IQCJ: variants seen among roughly 807,000 people sequenced by gnomAD.
The protein encoded by IQCJ is IQ domain-containing protein J.
Under a neutral mutation model 11.0 loss-of-function variants are expected in IQCJ, and 9 were observed. The ratio of observed to expected loss-of-function variants is 0.82; its 90% CI spans 0.49 to 1.43. The LOEUF (loss-of-function observed/expected upper bound fraction) is 1.43, where lower values mean the gene tolerates loss of function less well. Among genes scored for constraint, IQCJ ranks in the 40% most tolerant of loss-of-function variants. IQCJ has a pLI of 0.00. For missense variants in IQCJ, 146 were observed against 133.2 expected (o/e 1.10, Z -0.47); for synonymous variants, 55 against 51.3 (o/e 1.07, Z -0.31).
At chr3:159,188,857 C>T (rs1311562997) in intron 1 of IQCJ, among the ~76,000 whole-genome samples, 2 of 152,144 alleles carry the variant, frequency 1.3e-5, no homozygotes, top group African/African-American at 4.8e-5. Context: ...TAAAAGCTGA[C>T]TTTTGTATTC....
At chr3:159,096,015 C>T (rs1460953327) in intron 1 of IQCJ, among the ~76,000 whole-genome samples, 2 of 58,628 alleles carry the variant, frequency 3.4e-5, no homozygotes, top group Non-Finnish European at 6.6e-5. Context: ...TCCGCATCCT[C>T]TCCAGCACCT....
downstream of IQCJ, among the ~76,000 whole-genome samples, chr3:159,264,682 T>C (rs1728403612): frequency 6.6e-6 from 1 of 152,030 alleles, no homozygotes; most frequent in African/African-American, 2.4e-5. Context: ...GAGGCTGAGG[T>C]GGGCAGATCG....
Position 159,259,351 on chromosome 3 carries a change from CACA to C in IQCJ, c.156-3193_156-3191del, listed in dbSNP as rs200360632. On this transcript the variant is annotated intron_variant, in intron 3 of 3. Transcript: ENST00000397832. ...ATTTATAATTCAAAATATAGGAGCACACAACATGTGCTTTCTTACTTCAACAAG... is the reference window on the plus strand; with the variant it reads ...ATTTATAATTCAAAATATAGGAGCACACATGTGCTTTCTTACTTCAACAAG... 4.1e-4 allele frequency among the ~76,000 whole-genome samples: 62 copies of C among 152,186 alleles called. No individual in the cohort carries two copies. The East Asian group carries it at 0.012, about 29-fold the overall frequency.
chr3:159,162,037 C>T (rs1276471205), intron 1 of IQCJ, among the ~76,000 whole-genome samples: 2 of 152,148 alleles, frequency 1.3e-5, no homozygotes, highest in Non-Finnish European at 2.9e-5. Flanking sequence ...GCCATATGAA[C>T]TTTAAAGAAG....
At chr3:159,075,126 C>T (rs1239423205) in intron 1 of IQCJ, among the ~76,000 whole-genome samples, 1 of 152,092 alleles carries the variant, frequency 6.6e-6, no homozygotes, top group Non-Finnish European at 1.5e-5. Flanking sequence ...ATGGCAAAGA[C>T]TTGACGCTAA....
At chr3:159,236,872 G>A (rs187667402) in intron 1 of IQCJ, among the ~76,000 whole-genome samples, 158 of 152,290 alleles carry the variant, frequency 1.0e-3, no homozygotes, top group Middle Eastern at 0.01. Context: ...GAGGGGAGCA[G>A]GTGAGGAAGC....
chr3:159,136,262 A>T (rs558990819), intron 1 of IQCJ, among the ~76,000 whole-genome samples: 1 of 152,280 alleles, frequency 6.6e-6, no homozygotes, highest in African/African-American at 2.4e-5. Context: ...TAGATTATGT[A>T]GTACAGTTCA....
intron 1 of IQCJ, among the ~76,000 whole-genome samples, chr3:159,086,229 A>T (rs965553778): frequency 2.6e-5 from 4 of 152,080 alleles, no homozygotes; most frequent in African/African-American, 7.2e-5. Flanking sequence ...ATAGTTGTAG[A>T]TATGTGTCGT....
intron 1 of IQCJ, among the ~76,000 whole-genome samples, chr3:159,139,090 C>G (rs1206003883): frequency 2.6e-5 from 4 of 152,172 alleles, no homozygotes; most frequent in Non-Finnish European, 4.4e-5. Flanking sequence ...CCTTCATATT[C>G]ATATCTTTAT....
intron 1 of IQCJ, among the ~76,000 whole-genome samples, chr3:159,227,638 G>A (rs1471355282): frequency 6.6e-6 from 1 of 152,184 alleles, no homozygotes; most frequent in African/African-American, 2.4e-5. Context: ...TTAGCTAGAC[G>A]GAGCATATTG....
At chr3:159,155,095 T>C (rs1721442330) in intron 1 of IQCJ, among the ~76,000 whole-genome samples, 1 of 152,132 alleles carries the variant, frequency 6.6e-6, no homozygotes. Flanking sequence ...CTCCCCTTTC[T>C]TTGGTGATCT....
At chr3:159,153,990 A>G (rs1352332567) in intron 1 of IQCJ, among the ~76,000 whole-genome samples, 1 of 152,212 alleles carries the variant, frequency 6.6e-6, no homozygotes, top group Non-Finnish European at 1.5e-5. Context: ...TAAGTCTCAA[A>G]TCATTCTTAA....
intron 1 of IQCJ, among the ~76,000 whole-genome samples, chr3:159,152,146 C>T (rs971571768): frequency 4.6e-5 from 7 of 152,222 alleles, no homozygotes; most frequent in African/African-American, 1.7e-4. Context: ...GCCTCCAGGA[C>T]CCACCATCTG....
At chr3:159,095,372 T>G in intron 1 of IQCJ, among the ~76,000 whole-genome samples, 2 of 151,280 alleles carry the variant, frequency 1.3e-5, no homozygotes. Flanking sequence ...TATTTTATTT[T>G]TTTTATTATA....
intron 1 of IQCJ, among the ~76,000 whole-genome samples, chr3:159,171,144 T>C (rs1011342034): frequency 6.6e-6 from 1 of 151,474 alleles, no homozygotes; most frequent in Non-Finnish European, 1.5e-5. Context: ...GCACTAGTTA[T>C]TAAAAAAAAA....
chr3:159,078,955 T>C (rs1413381087), intron 1 of IQCJ, among the ~76,000 whole-genome samples: 2 of 152,064 alleles, frequency 1.3e-5, no homozygotes, highest in African/African-American at 4.8e-5. Flanking sequence ...TAAACACCCA[T>C]GGCAATAATA....
intron 1 of IQCJ, among the ~76,000 whole-genome samples, chr3:159,183,975 T>C (rs1723242531): frequency 6.6e-6 from 1 of 151,448 alleles, no homozygotes; most frequent in African/African-American, 2.4e-5. Context: ...TTCTCTTGCC[T>C]CTCTACAATC....
intron 1 of IQCJ, among the ~76,000 whole-genome samples, chr3:159,143,179 G>A (rs1720726896): frequency 6.6e-6 from 1 of 152,188 alleles, no homozygotes; most frequent in East Asian, 1.9e-4. Context: ...ATGATGAAGT[G>A]TGAAAAAATC....
intron 1 of IQCJ, among the ~76,000 whole-genome samples, chr3:159,105,606 G>T (rs2108108513): frequency 6.6e-6 from 1 of 152,164 alleles, no homozygotes; most frequent in East Asian, 1.9e-4. Context: ...TAGACTGTTT[G>T]GTCAGGACAT....
Sources: gnomAD v4.1 joint callset for allele counts (sites outside exome capture counted in the v4.1 genomes callset) on GRCh38, gnomAD v4.1.1 for gene constraint, MANE v1.5 for transcripts, NCBI Gene and HGNC (gene_info 2026-07-23, HGNC 2026-07-21) for gene names.